The following PTPRD variants were observed in gnomAD, a reference collection of about 807,000 sequenced individuals.
The protein encoded by PTPRD is protein tyrosine phosphatase receptor type D, also known as receptor-type tyrosine-protein phosphatase delta.
In PTPRD, 34 loss-of-function variants were observed where a neutral mutation model predicts 214.5. The observed-to-expected ratio is 0.16, with a 90% CI of 0.12 to 0.21. The LOEUF (loss-of-function observed/expected upper bound fraction) is 0.21, where lower values mean the gene tolerates loss of function less well. Ranked by LOEUF, PTPRD falls within the 10% of genes least tolerant of loss-of-function variation. PTPRD has a pLI of 1.00. For synonymous variants in PTPRD, 1,128 were observed against 845.7 expected (o/e 1.33, Z -5.79); for missense variants, 2,545 against 2,398.7 (o/e 1.06, Z -1.27).
intron 9 of PTPRD, among the ~76,000 whole-genome samples, chr9:9,364,724 C>A (rs187382071): frequency 6.6e-6 from 1 of 151,500 alleles, no homozygotes; most frequent in Admixed American, 6.6e-5. Context: ...TATATAAAGA[C>A]CTTTAGGCTG....
intron 3 of PTPRD, among the ~76,000 whole-genome samples, chr9:10,278,991 A>G (rs113565738): frequency 0.032 from 4,798 of 152,020 alleles, 105 homozygotes; most frequent in South Asian, 0.048. Context: ...AGCCAGGATG[A>G]TCTCGATCTC....
At chr9:9,180,050 A>G (rs138089932) in intron 10 of PTPRD, among the ~76,000 whole-genome samples, 7 of 152,094 alleles carry the variant, frequency 4.6e-5, no homozygotes, top group African/African-American at 1.2e-4. Context: ...TTTGTGTTAC[A>G]TAAGTACCGA....
intron 35 of PTPRD, among the ~76,000 whole-genome samples, chr9:8,425,986 G>A (rs568302999): frequency 2.0e-5 from 3 of 152,100 alleles, no homozygotes; most frequent in African/African-American, 7.2e-5. Context: ...CTCCATCCTT[G>A]TCACCCTTTA....
At chr9:9,183,498 G>T (rs187513836) in intron 9 of PTPRD, 135 bp from the exon 10 acceptor site, 1 of 152,106 alleles carries the variant, frequency 6.6e-6, no homozygotes, top group East Asian at 1.9e-4. Flanking sequence ...TAGTTAATGA[G>T]AAACTAGTAT....
At chr9:10,299,211 A>G (rs1053937072) in intron 3 of PTPRD, among the ~76,000 whole-genome samples, 1 of 152,158 alleles carries the variant, frequency 6.6e-6, no homozygotes, top group African/African-American at 2.4e-5. Flanking sequence ...TATTGGGTAG[A>G]ACTACTATTA....
chr9:8,355,396 C>T (rs1195049969), intron 39 of PTPRD, among the ~76,000 whole-genome samples: 1 of 149,916 alleles, frequency 6.7e-6, no homozygotes, highest in Non-Finnish European at 1.5e-5. Context: ...TTTATGTCAG[C>T]TCTATCTCTT....
At chr9:9,840,882 T>A (rs562074440) in intron 5 of PTPRD, among the ~76,000 whole-genome samples, 1 of 149,018 alleles carries the variant, frequency 6.7e-6, no homozygotes, top group South Asian at 2.1e-4. Context: ...TGGTGATAAA[T>A]ATAAGGAGTT....
chr9:9,316,348 T>C (rs1235855207), intron 9 of PTPRD, among the ~76,000 whole-genome samples: 1 of 152,066 alleles, frequency 6.6e-6, no homozygotes, highest in Non-Finnish European at 1.5e-5. Context: ...TGCAGACACA[T>C]TTTTCAGGTT....
intron 5 of PTPRD, among the ~76,000 whole-genome samples, chr9:9,833,816 G>A (rs375127798): frequency 1.6e-4 from 25 of 152,070 alleles, no homozygotes; most frequent in Middle Eastern, 3.4e-3. Context: ...TGTTCTGCCC[G>A]GCTCACCGGT....
intron 3 of PTPRD, among the ~76,000 whole-genome samples, chr9:10,212,379 G>A (rs977632776): frequency 3.9e-5 from 6 of 152,122 alleles, no homozygotes; most frequent in African/African-American, 1.4e-4. Flanking sequence ...AGTAAATTAT[G>A]AAGAAAAGAA....
At chr9:9,520,016 C>T (rs918835212) in intron 8 of PTPRD, among the ~76,000 whole-genome samples, 3 of 151,910 alleles carry the variant, frequency 2.0e-5, no homozygotes, top group African/African-American at 7.2e-5. Context: ...TGTATGTAGA[C>T]TTTCTTTAGA....
At chr9:10,461,156 T>C (rs1396045164) in intron 2 of PTPRD, among the ~76,000 whole-genome samples, 1 of 151,872 alleles carries the variant, frequency 6.6e-6, no homozygotes, top group African/African-American at 2.4e-5. Flanking sequence ...TCAACACCAC[T>C]AATTCCACAG....
chr9:9,248,599 T>C (rs2099974075), intron 9 of PTPRD, among the ~76,000 whole-genome samples: 1 of 152,102 alleles, frequency 6.6e-6, no homozygotes, highest in African/African-American at 2.4e-5. Context: ...TGATTATACC[T>C]GTGTATACCT....
intron 3 of PTPRD, among the ~76,000 whole-genome samples, chr9:10,128,437 G>T (rs1338038881): frequency 6.6e-6 from 1 of 152,118 alleles, no homozygotes; most frequent in Admixed American, 6.6e-5. Context: ...TGCAGCAGAA[G>T]TCAAGGAACA....
intron 4 of PTPRD, among the ~76,000 whole-genome samples, chr9:9,950,600 T>C (rs2093356755): frequency 1.2e-5 from 1 of 80,664 alleles, no homozygotes; most frequent in Non-Finnish European, 2.0e-5. Flanking sequence ...GGTGGACGCC[T>C]GTAGTCCCAG....
chr9:10,335,143 G>T (rs1349768057), intron 3 of PTPRD, among the ~76,000 whole-genome samples: 1 of 151,576 alleles, frequency 6.6e-6, no homozygotes, highest in Non-Finnish European at 1.5e-5. Context: ...AATATAGAAG[G>T]AGAAGAACAA....
intron 2 of PTPRD, among the ~76,000 whole-genome samples, chr9:10,499,125 A>G (rs536719334): frequency 1.3e-5 from 2 of 151,986 alleles, no homozygotes; most frequent in African/African-American, 4.8e-5. Flanking sequence ...TACATTTGTT[A>G]CCAAAGAAAA....
intron 3 of PTPRD, among the ~76,000 whole-genome samples, chr9:10,241,034 A>G (rs1007748298): frequency 2.0e-5 from 3 of 152,026 alleles, no homozygotes; most frequent in Admixed American, 1.3e-4. Flanking sequence ...AAAAATGACA[A>G]AAGATTTGAA....
At chr9:8,446,770 C>G (rs2095745828) in intron 34 of PTPRD, among the ~76,000 whole-genome samples, 1 of 152,092 alleles carries the variant, frequency 6.6e-6, no homozygotes, top group South Asian at 2.1e-4. Flanking sequence ...CGTCATAGCA[C>G]CTGTCATGCA....
Sources: gnomAD v4.1 joint callset for allele counts (sites outside exome capture counted in the v4.1 genomes callset) on GRCh38, gnomAD v4.1.1 for gene constraint, MANE v1.5 for transcripts, NCBI Gene and HGNC (gene_info 2026-07-23, HGNC 2026-07-21) for gene names.